Variants in DCTN1 observed in about 807,000 individuals in gnomAD.
DCTN1 encodes dynactin subunit 1.
Under a neutral mutation model 161.2 loss-of-function variants are expected in DCTN1, and 61 were observed. The ratio of observed to expected loss-of-function variants is 0.38; its 90% confidence interval spans 0.31 to 0.47. The LOEUF is 0.47. Ranked by LOEUF, DCTN1 falls within the 20% of genes least tolerant of loss-of-function variation. DCTN1 has a pLI of 0.99. For synonymous variants in DCTN1, 653 were observed against 632.4 expected (o/e 1.03, Z -0.49); for missense variants, 1,404 against 1,623.7 (o/e 0.86, Z 2.33).
At chr2:74,371,787 G>A in intron 7 of DCTN1, 59 bp from the exon 8 acceptor site, 1 of 1,383,462 alleles carries the variant, frequency 7.2e-7, no homozygotes, top group Non-Finnish European at 1.0e-6. Context: ...GTAGTAAGAG[G>A]AACAGAAACA....
chr2:74,368,317 G>A (rs1674576099), intron 16 of DCTN1, 186 bp from the exon 17 acceptor site: 1 of 759,412 alleles, frequency 1.3e-6, no homozygotes, highest in South Asian at 1.8e-5. Context: ...ATTACTGGAG[G>A]TTGTGAGGAG....
Position 74,377,952 on chromosome 2 carries a change from GACAGACATGTGCACACATGC to G in DCTN1, c.279+28_279+47del, listed in dbSNP as rs551310830. ...GTACCAACACATCAGCTGCACATGC[GACAGACATGTGCACACATGC>G]ACAGACACAAAAGAAGGGCGTGAAT... On this transcript the variant is annotated intron_variant, in intron 2 of 31. Coordinates refer to ENST00000628224, the MANE Select transcript of DCTN1 (RefSeq NM_004082.5). 1.1e-4 allele frequency: 174 copies of G among 1,610,404 alleles called. 1 individual carries two copies. The highest frequency in any genetic ancestry group is 8.3e-4 in the Middle Eastern group (5 of 6,054).
At position 74,364,935 on chromosome 2, in the gene DCTN1, G is replaced by A. The variant is rs535333033; in HGVS notation, c.3196+140C>T. On this transcript the variant is annotated intron_variant, in intron 26 of 31. Transcript: ENST00000628224. ...GGAAGGGAAAACTTGGTGAAAACTG[G>A]CACAGAGTGAAACTGTGTAAGCATG... 124 of 1,083,740 alleles carry A rather than the reference G, an allele frequency of 1.1e-4. No individual in the cohort carries two copies. In the South Asian group the frequency reaches 1.6e-3, roughly 14 times the overall value. 67.1% of individuals were successfully genotyped at this position (1,083,740 alleles called of 1,614,324 possible). A position where few individuals can be genotyped will look rare whatever the true frequency, so the allele number is the denominator to read the frequency against.
chr2:74,367,631 T>C, intron 18 of DCTN1, 65 bp downstream of exon 18: 1 of 1,608,674 alleles, frequency 6.2e-7, no homozygotes, highest in Admixed American at 1.7e-5. Context: ...AATATATTAG[T>C]AAGAGCCCCC....
chr2:74,390,273 T>C (rs1387646627), intron 1 of DCTN1, among the ~76,000 whole-genome samples: 1 of 152,240 alleles, frequency 6.6e-6, no homozygotes, highest in Non-Finnish European at 1.5e-5. Context: ...GTCAACATTT[T>C]AGGAAGACGG....
At chr2:74,374,068 A>C (rs1033109950) in intron 6 of DCTN1, 2 of 540,300 alleles carry the variant, frequency 3.7e-6, no homozygotes, top group Non-Finnish European at 3.5e-6. Context: ...GGCTGCCTGA[A>C]GCCCAAGCCT....
chr2:74,376,270 G>A (rs1490882828), intron 5 of DCTN1, among the ~76,000 whole-genome samples: 6 of 152,080 alleles, frequency 3.9e-5, no homozygotes, highest in Non-Finnish European at 8.8e-5. Flanking sequence ...GCACATGAAG[G>A]CTCTTAGGTT....
chr2:74,369,541 C>A lies in DCTN1; in HGVS notation c.1393-50G>T. 1 of 1,590,388 alleles carries A rather than the reference C, an allele frequency of 6.3e-7. No homozygotes were observed. On this transcript the variant is annotated intron_variant, in intron 13 of 31. Transcript: ENST00000628224. This position sits in a 1 kb window ranked among gnomAD's most constrained non-coding sequence, Gnocchi z 4.9. Reference sequence around the variant, plus strand: ...GCTAAAGAAAGGCAGGGTCGGCCAGCGGCGGTGGTTCACACCTGTAATCCC... The same window carrying A: ...GCTAAAGAAAGGCAGGGTCGGCCAGAGGCGGTGGTTCACACCTGTAATCCC...
chr2:74,368,429 G>C, intron 16 of DCTN1: 1 of 606,962 alleles, frequency 1.6e-6, no homozygotes, highest in Non-Finnish European at 2.9e-6. Flanking sequence ...ATGCTATCCT[G>C]CCCATCATCC....
intron 31 of DCTN1, 118 bp downstream of exon 31, chr2:74,361,934 C>T: frequency 2.6e-6 from 3 of 1,152,472 alleles, no homozygotes; most frequent in South Asian, 2.6e-5. Flanking sequence ...GGCCAGATAA[C>T]CCAAGGTATG....
intron 1 of DCTN1, among the ~76,000 whole-genome samples, chr2:74,390,927 A>C (rs552530525): frequency 1.1e-4 from 17 of 152,320 alleles, no homozygotes; most frequent in Middle Eastern, 3.4e-3. Flanking sequence ...TATCCTAGTA[A>C]AATTTTCAAA....
intron 1 of DCTN1, among the ~76,000 whole-genome samples, chr2:74,387,656 C>G (rs900104015): frequency 2.6e-5 from 4 of 152,186 alleles, no homozygotes; most frequent in African/African-American, 9.7e-5. Flanking sequence ...TTTCTCCAGT[C>G]TCTCTCAGAT....
chr2:74,374,608 G>C lies in DCTN1; in HGVS notation c.415-268C>G. 6.3e-6 allele frequency: 8 copies of C among 1,261,024 alleles called. No individual in the cohort carries two copies. In the South Asian group the frequency reaches 1.2e-4, roughly 19 times the overall value. The allele number at this position is 1,261,024 out of a possible 1,614,324, so 78.1% of individuals were successfully genotyped here. ...ACGTGCAGCTGGATCGCCAGGCTCC[G>C]GCAGGCACCGGAGCGGTGCCTGGCC... On this transcript the variant is annotated intron_variant, in intron 5 of 31. Coordinates refer to ENST00000628224, the MANE Select transcript of DCTN1 (RefSeq NM_004082.5).
Position 74,365,126 on chromosome 2 carries a change from G to C in DCTN1, c.3145C>G (p.Arg1049Gly). 1.2e-6 allele frequency: 2 copies of C among 1,614,160 alleles called. No individual in the cohort carries two copies. Among genetic ancestry groups the C allele is most frequent in the Non-Finnish European group, 1.7e-6 (2 of 1,180,038 alleles). ...SQSKRTIEGL[R>G]GPPPSGIATL... ...GCAATGCCTGAAGGAGGAGGGCCCC[G>C]GAGTCCCTCAATCGTGCGTTTGGAC... The change falls in exon 26 of 32, where the codon CGG becomes GGG. Residue 1049 changes from arginine to glycine, a missense_variant. Transcript: ENST00000628224.
At chr2:74,385,770 A>G (rs1302435436) in intron 1 of DCTN1, 3 of 152,222 alleles carry the variant, frequency 2.0e-5, no homozygotes, top group Admixed American at 2.0e-4. Flanking sequence ...TTTCTCTTCC[A>G]TCCACGCCAT....
intron 1 of DCTN1, chr2:74,391,775 C>T (rs1489308325): frequency 2.2e-6 from 1 of 453,598 alleles, no homozygotes; most frequent in East Asian, 7.0e-5. Context: ...AGACGGTTGG[C>T]AGAGTCGCGC....
intron 1 of DCTN1, among the ~76,000 whole-genome samples, chr2:74,388,748 T>C (rs1016355187): frequency 8.5e-5 from 13 of 152,200 alleles, no homozygotes; most frequent in Non-Finnish European, 1.9e-4. Flanking sequence ...GCACTCGGCG[T>C]AGGGCTTTGC....
intron 6 of DCTN1, 77 bp from the exon 7 acceptor site, chr2:74,373,025 G>C (rs1211502111): frequency 7.3e-6 from 10 of 1,362,112 alleles, no homozygotes; most frequent in Non-Finnish European, 1.0e-5. Flanking sequence ...GAGCAAAAGG[G>C]ACAGCAATGA....
At chr2:74,383,404 G>C (rs1309099092), upstream of DCTN1, among the ~76,000 whole-genome samples, 13 of 152,208 alleles carry the variant, frequency 8.5e-5, no homozygotes, top group Non-Finnish European at 1.5e-4. Context: ...TAGGCACGGA[G>C]TTTAACATCA....
Sources: gnomAD v4.1 joint callset for allele counts (sites outside exome capture counted in the v4.1 genomes callset) on GRCh38, gnomAD v4.1.1 for gene constraint, Gnocchi (gnomAD v3.1) non-coding constraint, MANE v1.5 for transcripts, NCBI Gene and HGNC (gene_info 2026-07-23, HGNC 2026-07-21) for gene names.